Variants in BRWD1 observed in about 807,000 individuals in gnomAD.
The protein encoded by BRWD1 is bromodomain and WD repeat domain containing 1.
BRWD1 carries 82 observed loss-of-function variants against 251.2 expected under a neutral mutation model. The observed-to-expected ratio is 0.33, with a 90% CI of 0.27 to 0.39. The LOEUF (loss-of-function observed/expected upper bound fraction) is 0.39. Among genes scored for constraint, BRWD1 ranks in the 10% least tolerant of loss-of-function variants. The pLI, the probability that BRWD1 is intolerant of heterozygous loss-of-function variation, is 1.00. For missense variants in BRWD1, 2,233 were observed against 2,711.6 expected (o/e 0.82, Z 3.92); for synonymous variants, 918 against 902.8 (o/e 1.02, Z -0.30).
rs989403094 is a variant in BRWD1, at chr21:39,188,228, G to T, written c.*8031C>A. ...AAGTTCACGGGCCCTTGAATTTTAG[G>T]TCTTTCTTGCAGCCATGAACAGTCA... On this transcript the variant is annotated 3_prime_UTR_variant, in exon 41 of 41. Coordinates refer to ENST00000342449, the MANE Select transcript of BRWD1 (RefSeq NM_033656.4). 1.1e-5 allele frequency: 11 copies of T among 985,232 alleles called. No homozygotes were observed. Among genetic ancestry groups the T allele is most frequent in the Non-Finnish European group, 1.3e-5 (11 of 829,920 alleles). The allele number at this position is 985,232 out of a possible 1,614,324, so 61.0% of individuals were successfully genotyped here.
chr21:39,271,623 G>A (rs1447240251), intron 13 of BRWD1, among the ~76,000 whole-genome samples: 2 of 147,620 alleles, frequency 1.4e-5, no homozygotes, highest in South Asian at 2.1e-4. Flanking sequence ...CATGAACCCA[G>A]GAGGCGGAAC....
At chr21:39,275,038 C>G (rs1378210605) in intron 12 of BRWD1, among the ~76,000 whole-genome samples, 2 of 151,566 alleles carry the variant, frequency 1.3e-5, no homozygotes, top group Non-Finnish European at 2.9e-5. Context: ...GAGCTAGACT[C>G]CGTCTCAAAA....
At chr21:39,296,202 TA>T in intron 6 of BRWD1, 62 bp downstream of exon 6, 1 of 1,346,376 alleles carries the variant, frequency 7.4e-7, no homozygotes, top group African/African-American at 1.5e-5. Flanking sequence ...ACAGCATTTA[TA>T]AAGGTTGTTG....
chr21:39,273,810 C>T (rs1261584996), intron 13 of BRWD1, among the ~76,000 whole-genome samples: 6 of 152,178 alleles, frequency 3.9e-5, no homozygotes, highest in Non-Finnish European at 8.8e-5. Context: ...AATGTGGAAA[C>T]GTTTCTCAGA....
intron 5 of BRWD1, chr21:39,297,723 G>C (rs2035997050): frequency 2.9e-6 from 1 of 345,996 alleles, no homozygotes; most frequent in East Asian, 1.7e-4. Context: ...GCTAAGAGTA[G>C]CATCACATCA....
At chr21:39,293,693 T>C in intron 8 of BRWD1, 118 bp downstream of exon 8, 1 of 753,906 alleles carries the variant, frequency 1.3e-6, no homozygotes, top group Non-Finnish European at 2.1e-6. Context: ...TGATTATCAC[T>C]TCTCTTACTT....
At position 39,187,817 on chromosome 21, in the gene BRWD1, C is replaced by A; in HGVS notation, c.*8442G>T. 2.0e-6 allele frequency: 2 copies of A among 985,108 alleles called. No homozygotes were observed. The highest frequency in any genetic ancestry group is 2.4e-6 in the Non-Finnish European group (2 of 829,810). The allele number at this position is 985,108 out of a possible 1,614,324, so 61.0% of individuals were successfully genotyped here. The stretch of plus-strand genomic sequence containing the variant: ...TTCAGATTAAAATTCTAAAAAATAA[C>A]ACAGAGTTGCTTTAAGGAACCAAAA... On this transcript the variant is annotated 3_prime_UTR_variant, in exon 41 of 41. Coordinates refer to ENST00000342449, the MANE Select transcript of BRWD1 (RefSeq NM_033656.4).
intron 27 of BRWD1, 138 bp from the exon 28 acceptor site, chr21:39,225,335 AAACC>A: frequency 1.7e-6 from 1 of 593,120 alleles, no homozygotes; most frequent in Non-Finnish European, 3.0e-6. Context: ...GCTCCTAAAC[AAACC>A]AAGAAAAATA....
intron 15 of BRWD1, among the ~76,000 whole-genome samples, chr21:39,269,615 A>T (rs2035038687): frequency 6.6e-6 from 1 of 152,180 alleles, no homozygotes. Context: ...AAGTAGTGAA[A>T]AAGTTTTTAC....
chr21:39,309,562 C>A (rs929407548), intron 4 of BRWD1, among the ~76,000 whole-genome samples: 1 of 151,320 alleles, frequency 6.6e-6, no homozygotes, highest in Admixed American at 6.6e-5. Flanking sequence ...CGGTGGCTCA[C>A]GCCTGTAATC....
chr21:39,225,178 A>T lies in BRWD1; in HGVS notation c.3228T>A (p.Ile1076=). Residue 1076 remains isoleucine, a synonymous_variant, in exon 28 of 41, where the codon ATT becomes ATA. Coordinates refer to ENST00000342449, the MANE Select transcript of BRWD1 (RefSeq NM_033656.4). ...NWQSCDRFRS[I]IDDAWWFGTV... ...TTCCAAACCACCAAGCATCATCAAT[A>T]ATAGAGCGGAATCTGTCACCTAGGA... The T allele has an allele frequency of 1.2e-6, 2 of 1,612,536 alleles. No homozygotes were observed. Among genetic ancestry groups the T allele is most frequent in the Non-Finnish European group, 1.7e-6 (2 of 1,178,872 alleles).
Position 39,187,285 on chromosome 21 carries a change from G to A in BRWD1, c.*8974C>T. ...CTTTATTTTATTTGCAGCAACAGTAGCACATCTGCGGGGAACTTTCTCAGG... is the reference window on the plus strand; with the variant it reads ...CTTTATTTTATTTGCAGCAACAGTAACACATCTGCGGGGAACTTTCTCAGG... On this transcript the variant is annotated 3_prime_UTR_variant, in exon 41 of 41. Transcript: ENST00000342449. The A allele has an allele frequency of 6.2e-7, 1 of 1,613,940 alleles. No individual in the cohort carries two copies. Among genetic ancestry groups the A allele is most frequent in the Admixed American group, 1.7e-5 (1 of 59,994 alleles).
intron 22 of BRWD1, among the ~76,000 whole-genome samples, 178 bp from the exon 23 acceptor site, chr21:39,236,962 T>A (rs1253768105): frequency 6.6e-6 from 1 of 151,654 alleles, no homozygotes; most frequent in South Asian, 2.1e-4. Flanking sequence ...CTAAAGATCA[T>A]GACAAACATA....
intron 15 of BRWD1, among the ~76,000 whole-genome samples, chr21:39,268,894 A>G (rs903167774): frequency 6.6e-6 from 1 of 152,148 alleles, no homozygotes; most frequent in Non-Finnish European, 1.5e-5. Flanking sequence ...AGGCTGAGGC[A>G]GGAGAATAGC....
upstream of BRWD1, among the ~76,000 whole-genome samples, chr21:39,315,137 C>G (rs752843370): frequency 1.3e-5 from 2 of 152,060 alleles, no homozygotes; most frequent in Admixed American, 1.3e-4. Flanking sequence ...GCTGGAATTG[C>G]AGGCAAGCGC....
At chr21:39,303,270 G>C (rs557632184) in intron 4 of BRWD1, among the ~76,000 whole-genome samples, 1 of 152,190 alleles carries the variant, frequency 6.6e-6, no homozygotes, top group Non-Finnish European at 1.5e-5. Flanking sequence ...TGTAATCCCA[G>C]CACTTTGAGA....
intron 32 of BRWD1, among the ~76,000 whole-genome samples, chr21:39,214,945 G>A (rs114658294): frequency 2.8e-5 from 4 of 144,510 alleles, no homozygotes; most frequent in East Asian, 2.0e-4. Context: ...GCAATGGCAC[G>A]ATCCACACAC....
chr21:39,209,891 T>A, intron 36 of BRWD1, 104 bp downstream of exon 36: 1 of 1,101,690 alleles, frequency 9.1e-7, no homozygotes, highest in East Asian at 2.5e-5. Context: ...TGTTCTAACC[T>A]CTATTACACA....
rs773564730 is a variant in BRWD1 at position 39,199,342 on chromosome 21, C to T, written c.5074G>A (p.Glu1692Lys). 1 of 1,614,018 alleles carries T rather than the reference C, an allele frequency of 6.2e-7. No individual in the cohort carries two copies. The highest frequency in any genetic ancestry group is 1.7e-5 in the Admixed American group (1 of 60,016). ...AATAGTTGATTTTCATCTTTTAGCT[C>T]CTCTTCTTCAATTTCTGACTTTAAG... ...QSLKSEIEEE[E>K]LKDENQLLPV... The change falls in exon 40 of 41, where the codon GAG becomes AAG. Residue 1692 changes from glutamate to lysine, a missense_variant. Glu to Lys is a moderately conservative substitution (Grantham distance 56, BLOSUM62 1). Around this residue, in one of 12 missense-constraint regions of BRWD1, gnomAD observed 928 missense variants for 970.0 expected, o/e 0.96. Transcript: ENST00000342449.
Sources: gnomAD v4.1 joint callset for allele counts (sites outside exome capture counted in the v4.1 genomes callset) on GRCh38, gnomAD v4.1.1 for gene constraint, gnomAD v4.1.1 regional missense constraint, MANE v1.5 for transcripts, NCBI Gene and HGNC (gene_info 2026-07-23, HGNC 2026-07-21) for gene names.